Variants in HLA-DPA1 observed in about 807,000 individuals in gnomAD.
The protein encoded by HLA-DPA1 is major histocompatibility complex, class II, DP alpha 1.
HLA-DPA1 carries 20 observed loss-of-function variants against 21.5 expected under a neutral mutation model. The ratio of observed to expected loss-of-function variants is 0.93; its 90% CI spans 0.66 to 1.35. The LOEUF (loss-of-function observed/expected upper bound fraction) is 1.35, where lower values mean the gene tolerates loss of function less well. HLA-DPA1 is among the 40% of genes most tolerant of loss of function. The pLI is 0.00. For synonymous variants in HLA-DPA1, 123 were observed against 129.6 expected (o/e 0.95, Z 0.35); for missense variants, 279 against 323.0 (o/e 0.86, Z 1.05).
At chr6:33,064,735 C>T (rs1240659264) in exon 6 of HLA-DPA1, 3 of 152,170 alleles carry the variant, frequency 2.0e-5, no homozygotes, top group Admixed American at 1.3e-4. Flanking sequence ...CAAATCTCTT[C>T]CCTCAGAGAC....
exon 3 of HLA-DPA1, chr6:33,069,862 G>A (rs1126534): frequency 0.057 from 90,163 of 1,594,568 alleles, 10,520 homozygotes; most frequent in East Asian, 0.5. Flanking sequence ...CTGTACAAAC[G>A]CGGCATAAGT....
At chr6:33,069,442 C>A in intron 3 of HLA-DPA1, 142 bp from the exon 3 acceptor site, 1 of 1,041,030 alleles carries the variant, frequency 9.6e-7, no homozygotes, top group African/African-American at 1.7e-5. Flanking sequence ...ACACCACTGA[C>A]CAGCCTCACT....
chr6:33,074,098 T>C, intron 1 of HLA-DPA1, among the ~76,000 whole-genome samples: 1 of 152,256 alleles, frequency 6.6e-6, no homozygotes, highest in Non-Finnish European at 1.5e-5. Flanking sequence ...TCCACCTCCC[T>C]GAGATACCTC....
At chr6:33,074,445 A>G (rs1017160678) in intron 1 of HLA-DPA1, among the ~76,000 whole-genome samples, 2 of 152,066 alleles carry the variant, frequency 1.3e-5, no homozygotes, top group Non-Finnish European at 2.9e-5. Flanking sequence ...AGGTAATGTT[A>G]ATTTTTTATT....
At position 33,076,213 on chromosome 6, in the gene HLA-DPA1, G is replaced by A. The variant is rs188552106; in HGVS notation, c.-99-2544C>T. On this transcript the variant is annotated intron_variant, in intron 1 of 5. Transcript: ENST00000419277. ...TTCCTAGGGGACGTTATCTTTAAGG[G>A]ATCAAATTCTGAGACAGGCTGCGGG... 3.6e-4 allele frequency: 375 copies of A among 1,051,462 alleles called. 1 individual carries two copies. In the African/African-American group the frequency reaches 4.5e-3, roughly 13 times the overall value. 65.1% of individuals were successfully genotyped at this position (1,051,462 alleles called of 1,614,324 possible). A position where few individuals can be genotyped will look rare whatever the true frequency, so the allele number is the denominator to read the frequency against.
At chr6:33,068,613 T>C (rs752840315) in intron 5 of HLA-DPA1, 25 bp downstream of exon 4, 2 of 1,547,998 alleles carry the variant, frequency 1.3e-6, no homozygotes, top group Admixed American at 1.8e-5. Flanking sequence ...CTACAAATCC[T>C]AGGGCCTCCT....
rs1762751922 is a variant in HLA-DPA1 at position 33,080,016 on chromosome 6, C to G, written c.-100+664G>C. Among the ~76,000 whole-genome samples the G allele has an allele frequency of 6.6e-6, 1 of 152,146 alleles. No individual in the cohort carries two copies. Among genetic ancestry groups the G allele is most frequent in the Non-Finnish European group, 1.5e-5 (1 of 68,032 alleles). ...AAAATACTTTCCACATCTTTTGACA[C>G]CAAGTCTTTCTGCAGCCATGTTTGA... On this transcript the variant is annotated intron_variant, in intron 1 of 5. Transcript: ENST00000419277. This position sits in a 1 kb window ranked among gnomAD's most constrained non-coding sequence, Gnocchi z 4.3.
Position 33,069,637 on chromosome 6 carries a change from G to A in HLA-DPA1, c.346+4C>T, listed in dbSNP as rs751493866. On this transcript the variant is annotated splice_donor_region_variant and intron_variant, in intron 3 of 5. Coordinates refer to ENST00000419277, the Ensembl canonical transcript of HLA-DPA1. ...ACAGAGGAAGAGGCAAAGATAGGGCGTACCGTTGGTGGCCTGAGTGTGGTT... is the reference window on the plus strand; with the variant it reads ...ACAGAGGAAGAGGCAAAGATAGGGCATACCGTTGGTGGCCTGAGTGTGGTT... 2.1e-5 allele frequency: 34 copies of A among 1,611,718 alleles called. No homozygotes were observed. The highest frequency in any genetic ancestry group is 1.5e-4 in the African/African-American group (11 of 74,758).
At chr6:33,069,352 G>C (rs1762139209) in intron 3 of HLA-DPA1, 52 bp from the exon 3 acceptor site, 1 of 1,549,880 alleles carries the variant, frequency 6.5e-7, no homozygotes, top group South Asian at 1.2e-5. Context: ...GAATCACAAA[G>C]GCTCCACCTC....
chr6:33,068,408 T>C (rs1762067837), intron 5 of HLA-DPA1: 1 of 451,522 alleles, frequency 2.2e-6, no homozygotes, highest in Non-Finnish European at 3.9e-6. Flanking sequence ...ATAGTGAAAA[T>C]AATAGTACCT....
At chr6:33,068,899 T>C in intron 4 of HLA-DPA1, 95 bp from the exon 4 acceptor site, 1 of 1,542,202 alleles carries the variant, frequency 6.5e-7, no homozygotes, top group Non-Finnish European at 8.9e-7. Flanking sequence ...GACCAGTTAA[T>C]TGGATGTTAG....
intron 1 of HLA-DPA1, among the ~76,000 whole-genome samples, chr6:33,079,144 T>C (rs746337428): frequency 1.3e-5 from 2 of 152,094 alleles, no homozygotes; most frequent in Non-Finnish European, 2.9e-5. Flanking sequence ...CTGCTAGGGG[T>C]GAGGTTAATA....
chr6:33,068,497 T>C (rs887601255), intron 5 of HLA-DPA1, 141 bp downstream of exon 4: 4 of 648,398 alleles, frequency 6.2e-6, no homozygotes, highest in Non-Finnish European at 1.1e-5. Flanking sequence ...TATTAACTAC[T>C]CAGTTAGTTA....
intron 1 of HLA-DPA1, among the ~76,000 whole-genome samples, chr6:33,078,657 T>C (rs1762679513): frequency 6.6e-6 from 1 of 152,128 alleles, no homozygotes; most frequent in Non-Finnish European, 1.5e-5. Flanking sequence ...AATTACACCA[T>C]AAAACCCCTC....
intron 5 of HLA-DPA1, chr6:33,066,856 A>C (rs139317218): frequency 3.9e-5 from 6 of 152,366 alleles, no homozygotes; most frequent in African/African-American, 1.2e-4. Context: ...GCAAAATAAA[A>C]CAGCATATTT....
intron 1 of HLA-DPA1, among the ~76,000 whole-genome samples, chr6:33,078,332 G>C (rs1246361873): frequency 6.6e-6 from 1 of 152,174 alleles, no homozygotes; most frequent in Non-Finnish European, 1.5e-5. Flanking sequence ...TGGAGCCATA[G>C]GGGAGTGGGT....
At chr6:33,073,698 G>C (rs568957256) in intron 1 of HLA-DPA1, 49 bp from the exon 1 acceptor site, 1 of 656,842 alleles carries the variant, frequency 1.5e-6, no homozygotes, top group East Asian at 2.7e-5. Flanking sequence ...GAATCAGCAT[G>C]GCTGGGATTC....
chr6:33,069,679 G>GA lies in HLA-DPA1; in HGVS notation c.307_308insT (p.Thr103IlefsTer17), dbSNP rs762209408. On this transcript the variant is annotated frameshift_variant, in exon 3 of 6. Coordinates refer to ENST00000419277, the Ensembl canonical transcript of HLA-DPA1. LOFTEE classifies it high-confidence loss of function. ...AGTGTGGTTGGAACGCTGGATCAAG[G>GA]TATTCAAGTTGTTGTTCAATATAGC... 1.3e-3 allele frequency: 2,061 copies of GA among 1,612,566 alleles called. 36 individuals carry two copies. In the East Asian group the frequency reaches 0.014, roughly 11 times the overall value.
At chr6:33,076,120 GTCCAGGGCAGGGCCAC>G in intron 1 of HLA-DPA1, 1 of 1,611,062 alleles carries the variant, frequency 6.2e-7, no homozygotes, top group Non-Finnish European at 8.5e-7. Flanking sequence ...CACATCTGTG[GTCCAGGGCAGGGCCAC>G]TCCAGGTAAG....
Sources: allele counts gnomAD v4.1 joint callset (sites outside exome capture counted in the v4.1 genomes callset), GRCh38; gene constraint gnomAD v4.1.1; non-coding constraint Gnocchi (gnomAD v3.1); transcripts MANE v1.5; gene names NCBI Gene and HGNC (gene_info 2026-07-23, HGNC 2026-07-21).